The following CCDC171 variants were observed in gnomAD, a reference collection of about 807,000 sequenced individuals.
CCDC171 encodes the protein coiled-coil domain containing 171.
Under a neutral mutation model 168.2 loss-of-function variants are expected in CCDC171, and 177 were observed. That is an observed-to-expected ratio of 1.05 (90% CI 0.93 to 1.19). CCDC171 has a LOEUF of 1.19. CCDC171 is among the 50% of genes most tolerant of loss of function. CCDC171 has a pLI of 0.00. For missense variants in CCDC171, 1,991 were observed against 1,539.0 expected (o/e 1.29, Z -4.91); for synonymous variants, 687 against 540.8 (o/e 1.27, Z -3.75).
At chr9:15,830,568 T>G (rs1026991022) in intron 21 of CCDC171, among the ~76,000 whole-genome samples, 15 of 152,198 alleles carry the variant, frequency 9.9e-5, no homozygotes, top group African/African-American at 3.4e-4. Context: ...AATTAGATAT[T>G]CTCATTTAAT....
At chr9:15,679,617 C>G (rs547150561) in intron 10 of CCDC171, among the ~76,000 whole-genome samples, 1 of 152,230 alleles carries the variant, frequency 6.6e-6, no homozygotes, top group African/African-American at 2.4e-5. Context: ...TGGTGCAACC[C>G]TAGCTCACTG....
rs996998069 is a variant in CCDC171, at chr9:15,762,793, C to T, written c.2672-14807C>T. Among the ~76,000 whole-genome samples the T allele has an allele frequency of 6.8e-4, 104 of 152,062 alleles. 1 individual carries two copies. The highest frequency in any genetic ancestry group is 2.3e-3 in the African/African-American group (95 of 41,396). On this transcript the variant is annotated intron_variant, in intron 18 of 25. Coordinates refer to ENST00000380701, the MANE Select transcript of CCDC171 (RefSeq NM_173550.4). ...TTTCACCTGTTTTGGAGTCAGTCAC[C>T]CCTGCTCCTACCTGGTCTAAGGCAA...
intron 24 of CCDC171, among the ~76,000 whole-genome samples, chr9:15,898,868 A>AT (rs1235406739): frequency 2.0e-5 from 3 of 152,110 alleles, no homozygotes; most frequent in African/African-American, 7.2e-5. Context: ...GTTTTGTGAC[A>AT]TTTTTTCATG....
chr9:15,802,036 A>G (rs1048056456), intron 21 of CCDC171, among the ~76,000 whole-genome samples: 1 of 151,240 alleles, frequency 6.6e-6, no homozygotes, highest in African/African-American at 2.4e-5. Flanking sequence ...TCTGTTGGGG[A>G]TTTTTGCCTC....
chr9:15,807,831 A>G (rs1232711146), intron 21 of CCDC171, among the ~76,000 whole-genome samples: 1 of 151,076 alleles, frequency 6.6e-6, no homozygotes, highest in East Asian at 1.9e-4. Context: ...TCACCGGAGC[A>G]AGATTGCCGT....
chr9:15,796,487 G>C (rs1480531586), intron 21 of CCDC171, among the ~76,000 whole-genome samples: 1 of 152,166 alleles, frequency 6.6e-6, no homozygotes, highest in Non-Finnish European at 1.5e-5. Flanking sequence ...ATAACAATTA[G>C]ATCCTAAGAG....
intron 1 of CCDC171, chr9:16,060,555 C>G (rs569696897): frequency 6.6e-6 from 1 of 152,254 alleles, no homozygotes; most frequent in Non-Finnish European, 1.5e-5. Context: ...TTCATTCACT[C>G]TGTGGATGAC....
intron 23 of CCDC171, among the ~76,000 whole-genome samples, chr9:15,858,511 A>G (rs1004789956): frequency 2.6e-5 from 4 of 151,918 alleles, no homozygotes; most frequent in African/African-American, 9.7e-5. Context: ...TTTGGGTAGT[A>G]TGAACATTTT....
At chr9:16,020,372 A>G (rs1384403111) in intron 3 of CCDC171, among the ~76,000 whole-genome samples, 1 of 152,236 alleles carries the variant, frequency 6.6e-6, no homozygotes, top group African/African-American at 2.4e-5. Flanking sequence ...GGTTCCAGGC[A>G]TTTCCAATAA....
chr9:15,910,708 C>T (rs919951968), intron 24 of CCDC171, among the ~76,000 whole-genome samples: 1 of 152,038 alleles, frequency 6.6e-6, no homozygotes, highest in Non-Finnish European at 1.5e-5. Flanking sequence ...CCCCCCACCC[C>T]ACAACAGGCC....
At chr9:15,730,438 A>T (rs1417407370) in intron 16 of CCDC171, among the ~76,000 whole-genome samples, 1 of 151,882 alleles carries the variant, frequency 6.6e-6, no homozygotes, top group Non-Finnish European at 1.5e-5. Flanking sequence ...TCTTCACCTA[A>T]TCAGGAATAA....
chr9:15,699,501 G>A (rs974937098), intron 11 of CCDC171, among the ~76,000 whole-genome samples: 1 of 152,152 alleles, frequency 6.6e-6, no homozygotes, highest in Non-Finnish European at 1.5e-5. Flanking sequence ...CTGATTGGTA[G>A]AGCCAAGTGG....
At chr9:15,612,388 A>C (rs1036268956) in intron 6 of CCDC171, among the ~76,000 whole-genome samples, 3 of 151,868 alleles carry the variant, frequency 2.0e-5, no homozygotes, top group Non-Finnish European at 4.4e-5. Context: ...TCCACCATTC[A>C]TTGTTTCTGC....
At chr9:15,860,936 A>ATGTGTGTGTG (rs770617574) in intron 23 of CCDC171, among the ~76,000 whole-genome samples, 1,798 of 144,232 alleles carry the variant, frequency 0.012, 57 homozygotes, top group African/African-American at 0.041. Flanking sequence ...GTTGTTAGGG[A>ATGTGTGTGTG]TGTGTGTGTG....
intron 24 of CCDC171, among the ~76,000 whole-genome samples, chr9:15,893,965 A>G (rs1820546810): frequency 6.6e-6 from 1 of 152,198 alleles, no homozygotes; most frequent in Non-Finnish European, 1.5e-5. Context: ...TGTTATAATG[A>G]TACATGCACA....
chr9:15,554,121 G>A (rs974322661), intron 1 of CCDC171, among the ~76,000 whole-genome samples: 2 of 151,420 alleles, frequency 1.3e-5, no homozygotes, highest in Admixed American at 6.6e-5. Context: ...CCGGGTTCAC[G>A]CCATTCTCCT....
chr9:15,649,943 G>C (rs7042593), intron 7 of CCDC171, among the ~76,000 whole-genome samples: 138 of 152,244 alleles, frequency 9.1e-4, no homozygotes, highest in African/African-American at 3.2e-3. Flanking sequence ...TAAAGACACA[G>C]GCACACGTAT....
intron 6 of CCDC171, among the ~76,000 whole-genome samples, chr9:15,605,829 C>T (rs1221537611): frequency 6.6e-6 from 1 of 152,090 alleles, no homozygotes; most frequent in Admixed American, 6.5e-5. Flanking sequence ...AAATGATACA[C>T]CTCAATAATA....
At chr9:15,564,257 G>A in intron 2 of CCDC171, 128 bp downstream of exon 2, 1 of 627,552 alleles carries the variant, frequency 1.6e-6, no homozygotes, top group African/African-American at 1.9e-5. Flanking sequence ...AATTCTGTGG[G>A]ACTGAAGGAG....
Sources: gnomAD v4.1 joint callset for allele counts (sites outside exome capture counted in the v4.1 genomes callset) on GRCh38, gnomAD v4.1.1 for gene constraint, MANE v1.5 for transcripts, NCBI Gene and HGNC (gene_info 2026-07-23, HGNC 2026-07-21) for gene names.